The following CDH3 variants were observed in gnomAD, a reference collection of about 807,000 sequenced individuals.
CDH3 encodes cadherin-3.
A neutral mutation model predicts 82.0 loss-of-function variants in CDH3; 54 were observed. That is an observed-to-expected ratio of 0.66 (90% CI 0.53 to 0.83). The LOEUF (loss-of-function observed/expected upper bound fraction) is 0.83. Ranked by LOEUF, CDH3 falls within the 40% of genes least tolerant of loss-of-function variation. The pLI, the probability that CDH3 is intolerant of heterozygous loss-of-function variation, is 0.00. For missense variants in CDH3, 1,054 were observed against 1,084.6 expected (o/e 0.97, Z 0.40); for synonymous variants, 446 against 437.9 (o/e 1.02, Z -0.23).
At chr16:68,684,248 C>T (rs2152102447) in intron 9 of CDH3, among the ~76,000 whole-genome samples, 1 of 152,248 alleles carries the variant, frequency 6.6e-6, no homozygotes, top group African/African-American at 2.4e-5. Flanking sequence ...TGGTCTCAAG[C>T]AATCCAGCAG....
Position 68,698,244 on chromosome 16 carries a change from G to A in CDH3, c.2334G>A (p.Leu778=). ...DPTAPPYDTL[L]VFDYEGSGSD... is the part of the protein sequence containing the mutation. ...CAGCCCCGCCCTACGACACCCTCTT[G>A]GTGTTCGACTATGAGGGCAGCGGCT... The change falls in exon 16 of 16, where the codon TTG becomes TTA. Residue 778 remains leucine, a synonymous_variant. Transcript: ENST00000264012. The A allele has an allele frequency of 6.2e-7, 1 of 1,614,214 alleles. No homozygotes were observed. Among genetic ancestry groups the A allele is most frequent in the Non-Finnish European group, 8.5e-7 (1 of 1,180,028 alleles).
chr16:68,726,323 G>A (rs1454405173), intron 2 of CDH3, among the ~76,000 whole-genome samples: 1 of 152,124 alleles, frequency 6.6e-6, no homozygotes, highest in African/African-American at 2.4e-5. Flanking sequence ...GGCTGTCATG[G>A]GAGCTCTTGC....
At chr16:68,660,381 A>G (rs1169830291) in intron 2 of CDH3, among the ~76,000 whole-genome samples, 1 of 152,244 alleles carries the variant, frequency 6.6e-6, no homozygotes, top group Non-Finnish European at 1.5e-5. Context: ...AAACTACCAC[A>G]TTCATTCACA....
At chr16:68,729,274 C>T (rs1202462081), downstream of CDH3, among the ~76,000 whole-genome samples, 1 of 152,170 alleles carries the variant, frequency 6.6e-6, no homozygotes, top group Non-Finnish European at 1.5e-5. Flanking sequence ...CATTGCATTC[C>T]AGCCTGGGCG....
At chr16:68,696,226 C>T in intron 15 of CDH3, 1 of 395,400 alleles carries the variant, frequency 2.5e-6, no homozygotes, top group Non-Finnish European at 4.8e-6. Flanking sequence ...CAAGACCAGC[C>T]TGGCCAACAT....
chr16:68,645,523 G>A, intron 1 of CDH3, 99 bp downstream of exon 1: 3 of 1,462,876 alleles, frequency 2.1e-6, no homozygotes, highest in East Asian at 4.9e-5. Context: ...GCGGGGCTGC[G>A]CTCCCTGGGG....
intron 2 of CDH3, among the ~76,000 whole-genome samples, chr16:68,665,222 C>T (rs1960701490): frequency 6.6e-6 from 1 of 151,928 alleles, no homozygotes; most frequent in African/African-American, 2.4e-5. Context: ...GCCTGGCTAA[C>T]ATGGTGAAAC....
intron 2 of CDH3, among the ~76,000 whole-genome samples, chr16:68,673,991 TA>T (rs1180779428): frequency 6.6e-6 from 1 of 152,216 alleles, no homozygotes; most frequent in Non-Finnish European, 1.5e-5. Context: ...AACACTGCTG[TA>T]AAAATGAATG....
chr16:68,690,312 G>A (rs1022915548), intron 12 of CDH3, among the ~76,000 whole-genome samples: 2 of 152,288 alleles, frequency 1.3e-5, no homozygotes, highest in South Asian at 2.1e-4. Context: ...AGTCATGTGC[G>A]TTTAGTTTTA....
chr16:68,665,934 T>C (rs932392537), intron 2 of CDH3, among the ~76,000 whole-genome samples: 2 of 152,158 alleles, frequency 1.3e-5, no homozygotes, highest in Admixed American at 6.5e-5. Flanking sequence ...CAAATTCTGA[T>C]TGAAAATCAA....
intron 8 of CDH3, among the ~76,000 whole-genome samples, chr16:68,681,807 C>T (rs1246717062): frequency 1.3e-5 from 2 of 152,180 alleles, no homozygotes; most frequent in Non-Finnish European, 2.9e-5. Context: ...CACTGCACTC[C>T]AGCCTGAGCG....
chr16:68,652,770 G>A (rs1032906403), intron 2 of CDH3, among the ~76,000 whole-genome samples: 16 of 152,108 alleles, frequency 1.1e-4, no homozygotes, highest in Admixed American at 3.3e-4. Context: ...AGTACCACAG[G>A]TGAATTTGCC....
chr16:68,707,238 A>C lies in CDH3; in HGVS notation c.99+11315A>C, dbSNP rs909986196. Among the ~76,000 whole-genome samples, 2 of 152,204 alleles carry C rather than the reference A, an allele frequency of 1.3e-5. No individual in the cohort carries two copies. Among genetic ancestry groups the C allele is most frequent in the African/African-American group, 2.4e-5 (1 of 41,454 alleles). On this transcript the variant is annotated intron_variant, in intron 1 of 2. Coordinates refer to the CDH3 transcript ENST00000569080. The surrounding 1 kb of genome is among the most constrained non-coding windows in gnomAD (Gnocchi z 4.5). ...GTGGCTGGAGCAGAGGGACGGGTTGAGATGGGTCGAGAGTGTGTGCAGAGA... is the reference window on the plus strand; with the variant it reads ...GTGGCTGGAGCAGAGGGACGGGTTGCGATGGGTCGAGAGTGTGTGCAGAGA...
chr16:68,685,178 G>A, intron 10 of CDH3, 27 bp from the exon 11 acceptor site: 1 of 1,613,108 alleles, frequency 6.2e-7, no homozygotes, highest in Middle Eastern at 1.7e-4. Flanking sequence ...TATTCTGGAT[G>A]TACTCGTCTC....
At chr16:68,700,804 A>T (rs980418841), downstream of CDH3, among the ~76,000 whole-genome samples, 1 of 152,170 alleles carries the variant, frequency 6.6e-6, no homozygotes, top group African/African-American at 2.4e-5. Context: ...CAGTGAGCCG[A>T]GATCACGCCA....
chr16:68,722,166 G>A (rs1443365668), intron 1 of CDH3, among the ~76,000 whole-genome samples: 2 of 152,180 alleles, frequency 1.3e-5, no homozygotes, highest in Non-Finnish European at 2.9e-5. Context: ...TAAATCCCTG[G>A]CTCCCTTGTC....
At chr16:68,694,100 C>T (rs563741916) in intron 13 of CDH3, among the ~76,000 whole-genome samples, 1 of 151,978 alleles carries the variant, frequency 6.6e-6, no homozygotes, top group African/African-American at 2.4e-5. Context: ...ACTAAAAATA[C>T]AAAAATTTGA....
the CDH3 span, among the ~76,000 whole-genome samples, chr16:68,732,826 A>G: frequency 6.6e-6 from 1 of 152,194 alleles, no homozygotes; most frequent in Admixed American, 6.5e-5. Flanking sequence ...TGAAAGAAGA[A>G]AAGTCTTTCT....
chr16:68,715,229 C>T (rs1962079446), intron 1 of CDH3, among the ~76,000 whole-genome samples: 1 of 152,002 alleles, frequency 6.6e-6, no homozygotes, highest in Admixed American at 6.6e-5. Context: ...AGTTCGAGAC[C>T]AGCCGTGCCA....
Sources: allele counts gnomAD v4.1 joint callset (sites outside exome capture counted in the v4.1 genomes callset), GRCh38; gene constraint gnomAD v4.1.1; non-coding constraint Gnocchi (gnomAD v3.1); transcripts MANE v1.5; gene names NCBI Gene and HGNC (gene_info 2026-07-23, HGNC 2026-07-21).